PTPRN2: variants seen among roughly 807,000 people sequenced by gnomAD.
The protein encoded by PTPRN2 is protein tyrosine phosphatase receptor type N2.
PTPRN2 carries 74 observed loss-of-function variants against 118.8 expected under a neutral mutation model. That is an observed-to-expected ratio of 0.62 (90% CI 0.52 to 0.76). The LOEUF (loss-of-function observed/expected upper bound fraction) is 0.76, where lower values mean the gene tolerates loss of function less well. Ranked by LOEUF, PTPRN2 falls within the 30% of genes least tolerant of loss-of-function variation. The pLI, the probability that PTPRN2 is intolerant of heterozygous loss-of-function variation, is 0.00. For missense variants in PTPRN2, 1,481 were observed against 1,394.4 expected, an observed-to-expected ratio of 1.06 and a Z score of -0.99; for synonymous variants, 641 against 608.0, an observed-to-expected ratio of 1.05 and a Z score of -0.80.
In PTPRN2 at chr7:157,669,638, C is replaced by T. The variant is rs1796314111; in HGVS notation, c.2001+13087G>A. On this transcript the variant is annotated intron_variant, in intron 13 of 22. Coordinates refer to ENST00000389418, the MANE Select transcript of PTPRN2 (RefSeq NM_002847.5). ...TTGGCCAAGCAATATGGAGTGAGTT[C>T]TTCCCATTTCGCAAGATGTTTTCTC... The T allele has an allele frequency of 1.2e-5, 5 of 407,860 alleles. No homozygotes were observed. The Admixed American group carries it at 1.2e-4, about 10-fold the overall frequency. 25.3% of individuals were successfully genotyped at this position (407,860 alleles called of 1,614,324 possible). A position where few individuals can be genotyped will look rare whatever the true frequency, so the allele number is the denominator to read the frequency against.
intron 11 of PTPRN2, among the ~76,000 whole-genome samples, chr7:158,018,966 C>CAAAAAAAAAAAA (rs753498681): frequency 3.0e-5 from 2 of 65,820 alleles, no homozygotes; most frequent in Non-Finnish European, 3.1e-5. Context: ...GTTTCAAAAA[C>CAAAAAAAAAAAA]AAAAAAAAAA....
intron 11 of PTPRN2, among the ~76,000 whole-genome samples, chr7:157,983,601 G>A (rs1803484558): frequency 6.6e-6 from 1 of 151,994 alleles, no homozygotes; most frequent in African/African-American, 2.4e-5. Context: ...GTGTCCACCA[G>A]CCCTGGGAGT....
intron 2 of PTPRN2, among the ~76,000 whole-genome samples, chr7:158,353,257 T>C (rs758722174): frequency 6.6e-6 from 1 of 152,190 alleles, no homozygotes; most frequent in Non-Finnish European, 1.5e-5. Flanking sequence ...CTGTTTTCCT[T>C]AATAGAAAAC....
Position 158,336,403 on chromosome 7 carries a change from C to A in PTPRN2, c.164-19471G>T, listed in dbSNP as rs1478327004. Reference sequence around the variant, plus strand: ...CATGCAGACGTCACTCACACCCACACTCTCACAATAATTGGTGACACCTGC... The same window carrying A: ...CATGCAGACGTCACTCACACCCACAATCTCACAATAATTGGTGACACCTGC... On this transcript the variant is annotated intron_variant, in intron 2 of 22. Coordinates refer to ENST00000389418, the MANE Select transcript of PTPRN2 (RefSeq NM_002847.5). Among the ~76,000 whole-genome samples the A allele has an allele frequency of 9.1e-4, 122 of 133,458 alleles. 6 individuals carry two copies. Among genetic ancestry groups the A allele is most frequent in the African/African-American group, 3.2e-3 (109 of 33,610 alleles). The allele number at this position is 133,458 out of a possible 152,430, so 87.6% of individuals were successfully genotyped here. A position where few individuals can be genotyped will look rare whatever the true frequency, so the allele number is the denominator to read the frequency against.
intron 15 of PTPRN2, among the ~76,000 whole-genome samples, chr7:157,620,916 T>C (rs1217893961): frequency 3.1e-4 from 38 of 121,730 alleles, no homozygotes; most frequent in East Asian, 7.9e-4. Context: ...CAGGTCAGCA[T>C]GGCCAGTTTC....
intron 2 of PTPRN2, among the ~76,000 whole-genome samples, chr7:158,428,781 C>T (rs766950393): frequency 1.3e-5 from 2 of 152,088 alleles, no homozygotes; most frequent in African/African-American, 2.4e-5. Flanking sequence ...TGGGGAAGTT[C>T]AGTCACCGTG....
At chr7:158,131,548 T>C (rs1371242695) in intron 9 of PTPRN2, among the ~76,000 whole-genome samples, 36 of 118,212 alleles carry the variant, frequency 3.0e-4, no homozygotes, top group African/African-American at 1.2e-3. Context: ...CACGGGTACA[T>C]ACAAACTGAT....
At chr7:157,918,850 G>A (rs1276562242) in intron 11 of PTPRN2, among the ~76,000 whole-genome samples, 1 of 152,232 alleles carries the variant, frequency 6.6e-6, no homozygotes, top group Non-Finnish European at 1.5e-5. Flanking sequence ...CCTGAGGGAC[G>A]GAAGGGCCTG....
At chr7:157,885,417 G>T (rs1796397591) in intron 12 of PTPRN2, among the ~76,000 whole-genome samples, 1 of 152,178 alleles carries the variant, frequency 6.6e-6, no homozygotes, top group South Asian at 2.1e-4. Context: ...ATGCCCACCT[G>T]GGCAGAGAAA....
chr7:158,100,013 G>A (rs1815098131), intron 10 of PTPRN2, among the ~76,000 whole-genome samples: 1 of 151,660 alleles, frequency 6.6e-6, no homozygotes, highest in Non-Finnish European at 1.5e-5. Context: ...GGTGATGTGT[G>A]AGATTTTGGT....
At chr7:158,155,601 TCAC>T (rs1821705734) in intron 6 of PTPRN2, among the ~76,000 whole-genome samples, 1 of 24,686 alleles carries the variant, frequency 4.1e-5, no homozygotes, top group Non-Finnish European at 1.0e-4. Context: ...ACCATCATCA[TCAC>T]CATCACCATC....
At chr7:157,850,110 A>C (rs1809158175) in intron 12 of PTPRN2, among the ~76,000 whole-genome samples, 1 of 152,264 alleles carries the variant, frequency 6.6e-6, no homozygotes, top group African/African-American at 2.4e-5. Flanking sequence ...GGAGGAAAAG[A>C]GAACATTCAT....
Position 158,189,673 on chromosome 7 carries a change from G to A in PTPRN2, c.549+2654C>T, listed in dbSNP as rs1044995160. Among the ~76,000 whole-genome samples, 18 of 152,278 alleles carry A rather than the reference G, an allele frequency of 1.2e-4. 1 individual carries two copies. Among genetic ancestry groups the A allele is most frequent in the South Asian group, 8.3e-4 (4 of 4,816 alleles). On this transcript the variant is annotated intron_variant, in intron 5 of 22. Transcript: ENST00000389418. ...TTTAATGACGCCTCCCCCTTCCCTC[G>A]TATGTTACTAAAACCATCTCTGGAC...
chr7:157,795,663 T>C lies in PTPRN2; in HGVS notation c.1788+103010A>G, dbSNP rs560451593. On this transcript the variant is annotated intron_variant, in intron 12 of 22. Coordinates refer to ENST00000389418, the MANE Select transcript of PTPRN2 (RefSeq NM_002847.5). ...CAAGCTATTGATAACAACAAAGTCCTCCCCAACCAAGGAACTTCCGCCATG... is the reference window on the plus strand; with the variant it reads ...CAAGCTATTGATAACAACAAAGTCCCCCCCAACCAAGGAACTTCCGCCATG... Among the ~76,000 whole-genome samples, 264 of 152,358 alleles carry C rather than the reference T, an allele frequency of 1.7e-3. 1 individual carries two copies. The highest frequency in any genetic ancestry group is 5.5e-3 in the African/African-American group (228 of 41,590).
chr7:158,452,942 G>A (rs1240968406), intron 2 of PTPRN2, among the ~76,000 whole-genome samples: 5 of 152,212 alleles, frequency 3.3e-5, no homozygotes, highest in African/African-American at 7.2e-5. Context: ...TGCAATCAAC[G>A]CTGGTACAGC....
intron 11 of PTPRN2, among the ~76,000 whole-genome samples, chr7:158,070,292 G>GTATGGAGGTGCCC (rs1811110599): frequency 1.4e-5 from 2 of 143,594 alleles, no homozygotes; most frequent in African/African-American, 5.9e-5. Flanking sequence ...AGGTGCTCGT[G>GTATGGAGGTGCCC]GTGGTGGAGG....
At chr7:158,444,808 G>A (rs1013000507) in intron 2 of PTPRN2, among the ~76,000 whole-genome samples, 3 of 152,112 alleles carry the variant, frequency 2.0e-5, no homozygotes, top group East Asian at 1.9e-4. Context: ...CCTCTCCTAC[G>A]GCCATTTTTG....
At chr7:157,685,065 G>A (rs1291236603) in intron 12 of PTPRN2, among the ~76,000 whole-genome samples, 1 of 151,870 alleles carries the variant, frequency 6.6e-6, no homozygotes, top group Non-Finnish European at 1.5e-5. Context: ...CCCGGCCTGC[G>A]CCCCTCGCCG....
intron 1 of PTPRN2, among the ~76,000 whole-genome samples, chr7:158,500,770 A>G (rs866897284): frequency 6.6e-6 from 1 of 152,258 alleles, no homozygotes; most frequent in Non-Finnish European, 1.5e-5. Flanking sequence ...ATCCAGCCCA[A>G]CGGTTTTCGC....
Sources: gnomAD v4.1 joint callset for allele counts (sites outside exome capture counted in the v4.1 genomes callset) on GRCh38, gnomAD v4.1.1 for gene constraint, MANE v1.5 for transcripts, NCBI Gene and HGNC (gene_info 2026-07-23, HGNC 2026-07-21) for gene names.